Variants in N4BP2 observed in about 807,000 individuals in gnomAD.
The protein encoded by N4BP2 is NEDD4-binding protein 2.
Under a neutral mutation model 152.8 loss-of-function variants are expected in N4BP2, and 91 were observed. That is an observed-to-expected ratio of 0.60 (90% confidence interval 0.50 to 0.71). The LOEUF (loss-of-function observed/expected upper bound fraction) is 0.71. N4BP2 is among the 30% of genes least tolerant of loss of function. N4BP2 has a pLI of 0.00. For synonymous variants in N4BP2, 646 were observed against 705.3 expected (o/e 0.92, Z 1.33); for missense variants, 1,923 against 2,059.1 (o/e 0.93, Z 1.28).
At chr4:40,092,008 T>TATATATATATA (rs1491368293) in intron 2 of N4BP2, among the ~76,000 whole-genome samples, 7 of 27,204 alleles carry the variant, frequency 2.6e-4, no homozygotes, top group Non-Finnish European at 4.1e-4. Context: ...AAAAAAAAAA[T>TATATATATATA]TATATATATA....
the N4BP2 span, among the ~76,000 whole-genome samples, chr4:40,175,271 C>T: frequency 6.7e-6 from 1 of 148,514 alleles, no homozygotes; most frequent in African/African-American, 2.5e-5. Flanking sequence ...GCCATATGTG[C>T]GTCAGCTTCC....
chr4:40,131,453 T>C (rs891849543), intron 12 of N4BP2, among the ~76,000 whole-genome samples: 7 of 152,224 alleles, frequency 4.6e-5, no homozygotes, highest in African/African-American at 1.4e-4. Context: ...TGTATGTATA[T>C]ATATGCCTCT....
the N4BP2 span, among the ~76,000 whole-genome samples, chr4:40,168,188 A>C: frequency 1.3e-5 from 2 of 152,184 alleles, no homozygotes; most frequent in Admixed American, 1.3e-4. Flanking sequence ...GGTAAGTTTA[A>C]TAGTAAATAT....
Position 40,119,958 on chromosome 4 carries a change from C to T in N4BP2, c.1847C>T (p.Ser616Phe). 6.8e-7 allele frequency: 1 copy of T among 1,479,028 alleles called. No homozygotes were observed. The highest frequency in any genetic ancestry group is 9.2e-7 in the Non-Finnish European group (1 of 1,086,834). 91.6% of individuals were successfully genotyped at this position (1,479,028 alleles called of 1,614,324 possible). ...CCAAGAGACGATGAAGATATTATCT[C>T]TGAAAAAGAAGAAAATATTTTATCT... ...TSPRDDEDII[S>F]EKEENILSLS... The change falls in exon 9 of 18, where the codon TCT (serine) becomes TTT (phenylalanine). Residue 616 changes from serine to phenylalanine, a missense_variant. Ser to Phe is a radical substitution (Grantham distance 155). Coordinates refer to ENST00000261435, the MANE Select transcript of N4BP2 (RefSeq NM_018177.6).
intron 4 of N4BP2, 105 bp downstream of exon 4, chr4:40,103,323 C>G (rs1715894233): frequency 1.0e-6 from 1 of 956,450 alleles, no homozygotes; most frequent in Non-Finnish European, 1.5e-6. Context: ...TCTTTAGTAA[C>G]CCCTAAAATG....
In N4BP2 at chr4:40,142,841, G is replaced by T. The variant is rs183631014; in HGVS notation, c.4954G>T (p.Ala1652Ser). The T allele has an allele frequency of 3.7e-6, 6 of 1,613,408 alleles. No individual in the cohort carries two copies. Among genetic ancestry groups the T allele is most frequent in the African/African-American group, 1.3e-5 (1 of 74,848 alleles). ...TTATCGGATAGGGAAAAAAAATGTCGCCACCTTTTATGCCCAGCAGGTAAA... is the reference window on the plus strand; with the variant it reads ...TTATCGGATAGGGAAAAAAAATGTCTCCACCTTTTATGCCCAGCAGGTAAA... ...EAYRIGKKNV[A>S]TFYAQQGTLH... The change falls in exon 15 of 18, where the codon GCC becomes TCC. Residue 1652 changes from alanine to serine, a missense_variant. Coordinates refer to ENST00000261435, the MANE Select transcript of N4BP2 (RefSeq NM_018177.6).
At chr4:40,092,043 T>TATAG (rs1553920288) in intron 2 of N4BP2, among the ~76,000 whole-genome samples, 5 of 108,166 alleles carry the variant, frequency 4.6e-5, no homozygotes, top group Non-Finnish European at 9.2e-5. Flanking sequence ...TATATATATA[T>TATAG]ATAGCTGAAT....
chr4:40,136,691 T>G (rs1719439559), intron 13 of N4BP2, among the ~76,000 whole-genome samples: 1 of 152,162 alleles, frequency 6.6e-6, no homozygotes, highest in Admixed American at 6.5e-5. Flanking sequence ...CCTGGCTGAA[T>G]TACCAATATA....
intron 3 of N4BP2, among the ~76,000 whole-genome samples, chr4:40,100,818 T>G (rs1306912923): frequency 6.6e-6 from 1 of 152,256 alleles, no homozygotes; most frequent in Non-Finnish European, 1.5e-5. Flanking sequence ...TTCATCTGTT[T>G]GCTAGGAATA....
chr4:40,072,627 A>T (rs1053034356), intron 1 of N4BP2, among the ~76,000 whole-genome samples: 1 of 151,590 alleles, frequency 6.6e-6, no homozygotes, highest in East Asian at 1.9e-4. Flanking sequence ...AGCTCAGGCA[A>T]TCCCTCCCTG....
rs1417559048 is a variant in N4BP2, at chr4:40,092,007, A to AAAAATT, written c.-114-5220_-114-5219insAAAATT. ...AAAAAAAAAAAAAAAAAAAAAAAAA[A>AAAAATT]TTATATATATATATATATATATATA... On this transcript the variant is annotated intron_variant, in intron 2 of 17. Transcript: ENST00000261435. 1.2e-4 allele frequency among the ~76,000 whole-genome samples: 4 copies of AAAAATT among 33,326 alleles called. No homozygotes were observed. The South Asian group carries it at 3.7e-3, about 31-fold the overall frequency. The allele number at this position is 33,326 out of a possible 152,430, so 21.9% of individuals were successfully genotyped here.
In N4BP2 at chr4:40,103,132, G is replaced by A; in HGVS notation, c.1287G>A (p.Gln429=). 1.9e-6 allele frequency: 3 copies of A among 1,614,096 alleles called. No individual in the cohort carries two copies. Among genetic ancestry groups the A allele is most frequent in the Non-Finnish European group, 2.5e-6 (3 of 1,179,940 alleles). Residue 429 remains glutamine (Q), a synonymous_variant, in exon 4 of 18, where the codon CAG becomes CAA. Coordinates refer to ENST00000261435, the MANE Select transcript of N4BP2 (RefSeq NM_018177.6). ...AAGTACAAGAAACCCCAGTTTCTCA[G>A]GTTGTAAGAAAGAAGACATCTTACG... ...AYQVQETPVS[Q]VVRKKTSYVG... is the part of the protein sequence containing the mutation.
At chr4:40,134,354 T>C (rs561640492) in intron 13 of N4BP2, among the ~76,000 whole-genome samples, 2 of 149,138 alleles carry the variant, frequency 1.3e-5, no homozygotes, top group Non-Finnish European at 3.0e-5. Flanking sequence ...TAGCTCAGAG[T>C]TGTGCTTCCC....
At chr4:40,110,040 A>G (rs755813614) in intron 5 of N4BP2, among the ~76,000 whole-genome samples, 9 of 152,164 alleles carry the variant, frequency 5.9e-5, no homozygotes, top group Non-Finnish European at 1.3e-4. Flanking sequence ...TTTTGTCCCT[A>G]TAGATAATTT....
chr4:40,058,412 G>A (rs1023242744), intron 1 of N4BP2, among the ~76,000 whole-genome samples: 3 of 152,164 alleles, frequency 2.0e-5, no homozygotes, highest in Non-Finnish European at 4.4e-5. Flanking sequence ...TTATTTAAGT[G>A]CCGTGCTAGG....
chr4:40,188,953 T>A, the N4BP2 span, among the ~76,000 whole-genome samples: 62 of 152,018 alleles, frequency 4.1e-4, no homozygotes, highest in African/African-American at 1.5e-3. Flanking sequence ...GAGACCAGCC[T>A]GGCCAATATG....
chr4:40,169,191 T>C, the N4BP2 span, among the ~76,000 whole-genome samples: 4 of 151,870 alleles, frequency 2.6e-5, no homozygotes, highest in Non-Finnish European at 5.9e-5. Flanking sequence ...GAAACTAGCC[T>C]GGCCAACGTA....
intron 4 of N4BP2, among the ~76,000 whole-genome samples, chr4:40,105,129 C>G (rs1716135507): frequency 6.6e-6 from 1 of 152,014 alleles, no homozygotes. Context: ...AGAGAATGGT[C>G]TAGTATTCAA....
chr4:40,062,659 G>A (rs1399621858), intron 1 of N4BP2, among the ~76,000 whole-genome samples: 1 of 150,998 alleles, frequency 6.6e-6, no homozygotes, highest in Non-Finnish European at 1.5e-5. Flanking sequence ...CAGTGTGCTA[G>A]CCCTATTAAG....
Sources: gnomAD v4.1 joint callset for allele counts (sites outside exome capture counted in the v4.1 genomes callset) on GRCh38, gnomAD v4.1.1 for gene constraint, MANE v1.5 for transcripts, NCBI Gene and HGNC (gene_info 2026-07-23, HGNC 2026-07-21) for gene names.